The following TRPC4 variants were observed in gnomAD, a reference collection of about 807,000 sequenced individuals.
TRPC4 encodes transient receptor potential cation channel subfamily C member 4, also known as short transient receptor potential channel 4.
Under a neutral mutation model 99.4 loss-of-function variants are expected in TRPC4, and 49 were observed. The observed-to-expected ratio is 0.49, with a 90% CI of 0.39 to 0.63. TRPC4 has a LOEUF of 0.63. Ranked by LOEUF, TRPC4 falls within the 20% of genes least tolerant of loss-of-function variation. The pLI is 0.00. For synonymous variants in TRPC4, 454 were observed against 425.9 expected, an observed-to-expected ratio of 1.07 and a Z score of -0.81; for missense variants, 898 against 1,152.9, an observed-to-expected ratio of 0.78 and a Z score of 3.20.
At chr13:37,741,490 G>A (rs9532112) in intron 3 of TRPC4, among the ~76,000 whole-genome samples, 42,968 of 151,672 alleles carry the variant, frequency 0.28, 7,629 homozygotes, top group East Asian at 0.64. Flanking sequence ...GATTGGCATC[G>A]GGATGGGAGT....
intron 1 of TRPC4, among the ~76,000 whole-genome samples, chr13:37,798,404 T>G (rs1459646353): frequency 6.6e-6 from 1 of 152,114 alleles, no homozygotes; most frequent in East Asian, 1.9e-4. Context: ...AGAAAAAAAA[T>G]GGTTTATTAA....
chr13:37,835,626 C>G (rs1395389725), intron 1 of TRPC4, among the ~76,000 whole-genome samples: 3 of 152,100 alleles, frequency 2.0e-5, no homozygotes, highest in Non-Finnish European at 4.4e-5. Flanking sequence ...TCACTGGAAA[C>G]TTTGACATGA....
At chr13:37,704,786 T>G (rs1455392243) in intron 3 of TRPC4, among the ~76,000 whole-genome samples, 2 of 152,194 alleles carry the variant, frequency 1.3e-5, no homozygotes, top group East Asian at 3.8e-4. Context: ...ATCTCCTTAT[T>G]TTGTCTCAAT....
rs1951445469 is a variant in TRPC4, at chr13:37,633,827, TAAAATAATTCACCCC to T, written c.*3061_*3075del. Reference sequence around the variant, plus strand: ...CTTTGAAAAATTACTCATGATTTTATAAAATAATTCACCCCATTTTAAAAAATATAGCCAATTTCC... The same window carrying T: ...CTTTGAAAAATTACTCATGATTTTATATTTTAAAAAATATAGCCAATTTCC... On this transcript the variant is annotated 3_prime_UTR_variant, in exon 11 of 11. Transcript: ENST00000379705. Among the ~76,000 whole-genome samples, 1 of 152,122 alleles carries T rather than the reference TAAAATAATTCACCCC, an allele frequency of 6.6e-6. No homozygotes were observed. The highest frequency in any genetic ancestry group is 2.4e-5 in the African/African-American group (1 of 41,452).
intron 2 of TRPC4, among the ~76,000 whole-genome samples, chr13:37,757,202 T>G (rs1247144076): frequency 1.3e-5 from 2 of 152,108 alleles, no homozygotes; most frequent in East Asian, 1.9e-4. Context: ...AGATATATAG[T>G]GTAATAGTGA....
chr13:37,797,500 A>G (rs1000982388), intron 1 of TRPC4, among the ~76,000 whole-genome samples: 1 of 152,196 alleles, frequency 6.6e-6, no homozygotes, highest in African/African-American at 2.4e-5. Context: ...AGTATTTAAC[A>G]TCCTGAAAAC....
intron 3 of TRPC4, among the ~76,000 whole-genome samples, chr13:37,708,977 T>C (rs563714815): frequency 1.3e-5 from 2 of 152,078 alleles, no homozygotes; most frequent in Admixed American, 6.6e-5. Context: ...TTTATTTTAT[T>C]TTTACCACAA....
chr13:37,779,771 G>A (rs1335020225), intron 2 of TRPC4, among the ~76,000 whole-genome samples: 1 of 151,988 alleles, frequency 6.6e-6, no homozygotes, highest in Non-Finnish European at 1.5e-5. Flanking sequence ...AACTACGCAT[G>A]TCCAATTTGG....
chr13:37,753,575 A>AGAAAGAG (rs1566145348), intron 2 of TRPC4, among the ~76,000 whole-genome samples: 6,634 of 136,454 alleles, frequency 0.049, 213 homozygotes, highest in Admixed American at 0.098. Context: ...GAGAGAGAGA[A>AGAAAGAG]AGAGAGAGAG....
chr13:37,722,859 C>T (rs1165949821), intron 3 of TRPC4, among the ~76,000 whole-genome samples: 2 of 151,724 alleles, frequency 1.3e-5, no homozygotes, highest in East Asian at 3.9e-4. Flanking sequence ...TCCCAATACT[C>T]GAGAATCTCA....
intron 5 of TRPC4, among the ~76,000 whole-genome samples, chr13:37,666,901 C>T (rs763731886): frequency 3.4e-4 from 52 of 151,648 alleles, no homozygotes; most frequent in Non-Finnish European, 6.2e-4. Context: ...CTCTCAATGA[C>T]TATTCTCAAC....
chr13:37,717,724 C>G (rs1421171363), intron 3 of TRPC4, among the ~76,000 whole-genome samples: 1 of 152,114 alleles, frequency 6.6e-6, no homozygotes, highest in Non-Finnish European at 1.5e-5. Flanking sequence ...TCTCAGTCTT[C>G]TAGCCTCTAG....
rs1372777562 is a variant in TRPC4 at position 37,829,236 on chromosome 13, A to G, written c.-28+40359T>C. On this transcript the variant is annotated intron_variant, in intron 1 of 10. Coordinates refer to ENST00000379705, the MANE Select transcript of TRPC4 (RefSeq NM_016179.4). ...CTACCAAAGGTCTTGTGTCCAGAAT[A>G]TAAAAAGAACAACTAAGCCTCAAAT... Among the ~76,000 whole-genome samples the G allele has an allele frequency of 2.0e-5, 3 of 152,228 alleles. No individual in the cohort carries two copies. In the East Asian group the frequency reaches 5.8e-4, roughly 29 times the overall value.
intron 3 of TRPC4, among the ~76,000 whole-genome samples, chr13:37,745,048 G>T (rs1955697209): frequency 2.6e-5 from 4 of 152,170 alleles, no homozygotes; most frequent in Admixed American, 2.0e-4. Context: ...ATCTGCTATT[G>T]TACTAAAGTC....
intron 1 of TRPC4, among the ~76,000 whole-genome samples, chr13:37,792,434 G>A (rs996464950): frequency 6.6e-6 from 1 of 152,040 alleles, no homozygotes; most frequent in South Asian, 2.1e-4. Context: ...ACAAGAACGC[G>A]TGCATAAATG....
At chr13:37,659,059 T>C (rs1342859026) in intron 6 of TRPC4, among the ~76,000 whole-genome samples, 1 of 152,116 alleles carries the variant, frequency 6.6e-6, no homozygotes, top group Non-Finnish European at 1.5e-5. Context: ...AAAGTGTTAA[T>C]GGGGGATTGA....
intron 3 of TRPC4, among the ~76,000 whole-genome samples, chr13:37,731,668 A>AT (rs1434160967): frequency 2.6e-5 from 4 of 152,254 alleles, no homozygotes; most frequent in African/African-American, 9.6e-5. Context: ...GTCAAACTGT[A>AT]TAAGAGATAA....
chr13:37,803,168 G>A (rs1473616478), intron 1 of TRPC4, among the ~76,000 whole-genome samples: 1 of 151,510 alleles, frequency 6.6e-6, no homozygotes, highest in Non-Finnish European at 1.5e-5. Flanking sequence ...TTATTTTATT[G>A]AGAACTTATT....
intron 2 of TRPC4, among the ~76,000 whole-genome samples, chr13:37,766,806 CACTG>C (rs2139269318): frequency 6.6e-6 from 1 of 151,560 alleles, no homozygotes; most frequent in Non-Finnish European, 1.5e-5. Flanking sequence ...GAGAAAACGT[CACTG>C]ACTGTCTACT....
Sources: gnomAD v4.1 joint callset for allele counts (sites outside exome capture counted in the v4.1 genomes callset) on GRCh38, gnomAD v4.1.1 for gene constraint, MANE v1.5 for transcripts, NCBI Gene and HGNC (gene_info 2026-07-23, HGNC 2026-07-21) for gene names.